Variants in PPP2R2B observed in about 807,000 individuals in gnomAD.
The protein encoded by PPP2R2B is serine/threonine-protein phosphatase 2A 55 kDa regulatory subunit B beta isoform.
PPP2R2B carries 5 observed loss-of-function variants against 46.0 expected under a neutral mutation model. That is an observed-to-expected ratio of 0.11 (90% CI 0.06 to 0.23). The LOEUF is 0.23. Among genes scored for constraint, PPP2R2B ranks in the 10% least tolerant of loss-of-function variants. The pLI is 1.00. For missense variants in PPP2R2B, 367 were observed against 575.0 expected (o/e 0.64, Z 3.70); for synonymous variants, 215 against 206.7 (o/e 1.04, Z -0.34).
intron 6 of PPP2R2B, among the ~76,000 whole-genome samples, chr5:146,643,328 G>T (rs540010725): frequency 6.6e-6 from 1 of 151,930 alleles, no homozygotes; most frequent in South Asian, 2.1e-4. Flanking sequence ...ACCAAAGCAG[G>T]CCCCAAGCCC....
At chr5:146,831,052 A>G (rs535827795) in intron 2 of PPP2R2B, among the ~76,000 whole-genome samples, 1 of 152,258 alleles carries the variant, frequency 6.6e-6, no homozygotes, top group Admixed American at 6.5e-5. Context: ...TGTCAGTTGT[A>G]TAAAAGTAGA....
chr5:146,697,119 A>G (rs550681137), intron 4 of PPP2R2B, among the ~76,000 whole-genome samples: 1 of 152,330 alleles, frequency 6.6e-6, no homozygotes, highest in South Asian at 2.1e-4. Context: ...ATTAAAATGT[A>G]TATTCCTCAT....
At chr5:146,815,463 GAATA>G (rs1414184116) in intron 2 of PPP2R2B, among the ~76,000 whole-genome samples, 1 of 152,208 alleles carries the variant, frequency 6.6e-6, no homozygotes, top group Non-Finnish European at 1.5e-5. Context: ...GCATCTGAAT[GAATA>G]AATGATATTC....
intron 5 of PPP2R2B, among the ~76,000 whole-genome samples, chr5:146,668,694 C>G (rs1447066933): frequency 6.6e-6 from 1 of 152,202 alleles, no homozygotes; most frequent in Non-Finnish European, 1.5e-5. Context: ...ACTTTCTACA[C>G]ATGAACTGTT....
chr5:146,775,050 A>T (rs1755099236), intron 2 of PPP2R2B, among the ~76,000 whole-genome samples: 1 of 152,194 alleles, frequency 6.6e-6, no homozygotes, highest in Admixed American at 6.6e-5. Context: ...AATTCTAAAC[A>T]TTTAAAGAAG....
intron 2 of PPP2R2B, among the ~76,000 whole-genome samples, chr5:146,770,330 C>CAAAAAAAAAA (rs5871992): frequency 3.3e-5 from 2 of 60,060 alleles, no homozygotes; most frequent in East Asian, 5.7e-4. Flanking sequence ...GATTCCGTCT[C>CAAAAAAAAAA]AAAAAAAAAA....
chr5:146,633,796 C>T (rs370539151), intron 7 of PPP2R2B, among the ~76,000 whole-genome samples: 81 of 152,288 alleles, frequency 5.3e-4, no homozygotes, highest in South Asian at 1.2e-3. Context: ...GTGGCTTGAC[C>T]GGCTTCCTGC....
At chr5:147,055,220 G>A (rs956776389) in intron 1 of PPP2R2B, among the ~76,000 whole-genome samples, 4 of 152,200 alleles carry the variant, frequency 2.6e-5, no homozygotes, top group Non-Finnish European at 2.9e-5. Context: ...CCACAGTGAT[G>A]TACTAAGCTA....
At chr5:146,634,582 G>A (rs1399023977) in intron 7 of PPP2R2B, among the ~76,000 whole-genome samples, 6 of 152,032 alleles carry the variant, frequency 3.9e-5, no homozygotes, top group Admixed American at 3.3e-4. Flanking sequence ...TGATCTGCCC[G>A]CCTCAGCCTC....
intron 1 of PPP2R2B, among the ~76,000 whole-genome samples, chr5:147,033,424 T>C (rs1160643218): frequency 6.6e-6 from 1 of 152,214 alleles, no homozygotes; most frequent in African/African-American, 2.4e-5. Context: ...GGTGTGTCTA[T>C]CTTGCTTGCT....
At position 146,835,756 on chromosome 5, in the gene PPP2R2B, C is replaced by T. The variant is rs142132225; in HGVS notation, c.70+42246G>A. On this transcript the variant is annotated intron_variant, in intron 2 of 9. Transcript: ENST00000394411. ...AGCTTACACTGTACTGTACAGATAT[C>T]GGTAAAGGAGTCATCATTTGTAAAT... 3.8e-3 allele frequency among the ~76,000 whole-genome samples: 578 copies of T among 152,232 alleles called. 6 individuals carry two copies. Among genetic ancestry groups the T allele is most frequent in the African/African-American group, 0.013 (547 of 41,542 alleles).
chr5:146,988,403 A>T (rs1753529948), intron 1 of PPP2R2B, among the ~76,000 whole-genome samples: 1 of 152,014 alleles, frequency 6.6e-6, no homozygotes. Flanking sequence ...ACAAAATTGA[A>T]ATCATATCAA....
At chr5:146,991,306 G>T (rs1034070907) in intron 1 of PPP2R2B, among the ~76,000 whole-genome samples, 13 of 152,016 alleles carry the variant, frequency 8.6e-5, no homozygotes, top group African/African-American at 3.1e-4. Flanking sequence ...TAATAGCCAA[G>T]ATAGGAAATC....
chr5:146,881,671 C>T (rs1762172329), upstream of PPP2R2B, among the ~76,000 whole-genome samples: 1 of 152,226 alleles, frequency 6.6e-6, no homozygotes, highest in Non-Finnish European at 1.5e-5. Context: ...CTGGGCCTTC[C>T]AAAGTGCTGG....
At chr5:146,958,572 A>G (rs933413948) in intron 1 of PPP2R2B, among the ~76,000 whole-genome samples, 2 of 152,166 alleles carry the variant, frequency 1.3e-5, no homozygotes, top group African/African-American at 4.8e-5. Context: ...TTTTCATTTC[A>G]TCCTCACAAA....
chr5:146,648,571 C>T (rs566596904), intron 6 of PPP2R2B, among the ~76,000 whole-genome samples: 13 of 152,262 alleles, frequency 8.5e-5, no homozygotes, highest in African/African-American at 3.1e-4. Context: ...ATAGTTCATA[C>T]AAGGCCCTTG....
At position 146,741,107 on chromosome 5, in the gene PPP2R2B, A is replaced by AT. The variant is rs1471454208; in HGVS notation, c.71-39966dup. Reference sequence around the variant, plus strand: ...TGAATCAGATTCTTTAGGAATGGGGATCTAGGCATCCGCAATTTGAAAAAT... The same window carrying AT: ...TGAATCAGATTCTTTAGGAATGGGGATTCTAGGCATCCGCAATTTGAAAAAT... On this transcript the variant is annotated intron_variant, in intron 2 of 9. Coordinates refer to ENST00000394411, the MANE Select transcript of PPP2R2B (RefSeq NM_181675.4). Among the ~76,000 whole-genome samples the AT allele has an allele frequency of 2.5e-4, 38 of 151,900 alleles. 1 individual carries two copies. Among genetic ancestry groups the AT allele is most frequent in the African/African-American group, 8.9e-4 (37 of 41,350 alleles).
chr5:146,805,684 G>T (rs933586225), intron 2 of PPP2R2B, among the ~76,000 whole-genome samples: 9 of 152,220 alleles, frequency 5.9e-5, no homozygotes, highest in African/African-American at 2.2e-4. Flanking sequence ...GGAAAAAAAT[G>T]GAGTGGTTTA....
chr5:146,628,527 T>C (rs952331811), intron 7 of PPP2R2B, among the ~76,000 whole-genome samples: 29 of 152,156 alleles, frequency 1.9e-4, no homozygotes, highest in African/African-American at 6.5e-4. Context: ...ACCCTGGCCC[T>C]CAAGACCTTC....
Sources: gnomAD v4.1 joint callset for allele counts (sites outside exome capture counted in the v4.1 genomes callset) on GRCh38, gnomAD v4.1.1 for gene constraint, MANE v1.5 for transcripts, NCBI Gene and HGNC (gene_info 2026-07-23, HGNC 2026-07-21) for gene names.